Variants in CTIF observed in about 807,000 individuals in gnomAD.
CTIF encodes the protein CBP80/20-dependent translation initiation factor.
In CTIF, 21 loss-of-function variants were observed where a neutral mutation model predicts 66.0. That is an observed-to-expected ratio of 0.32 (90% CI 0.23 to 0.46). The LOEUF is 0.46. Ranked by LOEUF, CTIF falls within the 20% of genes least tolerant of loss-of-function variation. The pLI is 1.00. For missense variants in CTIF, 739 were observed against 812.7 expected (o/e 0.91, Z 1.10); for synonymous variants, 345 against 326.4 (o/e 1.06, Z -0.62).
At chr18:48,746,630 T>C (rs1408948719) in intron 7 of CTIF, among the ~76,000 whole-genome samples, 2 of 151,938 alleles carry the variant, frequency 1.3e-5, no homozygotes. Context: ...GGCAAGATGA[T>C]AGTCACGGCC....
chr18:48,563,594 C>G (rs139351055), intron 1 of CTIF, among the ~76,000 whole-genome samples: 33 of 152,370 alleles, frequency 2.2e-4, no homozygotes, highest in African/African-American at 7.9e-4. Context: ...GCCTCAGTCT[C>G]CTGAATAGCT....
chr18:48,619,826 A>C (rs1384125662), intron 2 of CTIF, 81 bp downstream of exon 2: 2 of 1,327,810 alleles, frequency 1.5e-6, no homozygotes, highest in East Asian at 2.8e-5. Flanking sequence ...GGCAGCATCC[A>C]GTTGCCTGAC....
intron 1 of CTIF, among the ~76,000 whole-genome samples, chr18:48,617,600 T>G (rs2090421873): frequency 6.6e-6 from 1 of 152,086 alleles, no homozygotes; most frequent in African/African-American, 2.4e-5. Context: ...GCTGGTGGTG[T>G]GGGGAGGTAT....
chr18:48,695,843 A>T (rs2091998883), intron 6 of CTIF, among the ~76,000 whole-genome samples: 1 of 152,224 alleles, frequency 6.6e-6, no homozygotes, highest in Admixed American at 6.5e-5. Context: ...GCGCGTATTT[A>T]TCGGGCAGGA....
At chr18:48,585,916 C>A (rs1036770493) in intron 1 of CTIF, among the ~76,000 whole-genome samples, 5 of 152,162 alleles carry the variant, frequency 3.3e-5, no homozygotes, top group African/African-American at 1.2e-4. Flanking sequence ...GCCTCAATTT[C>A]ATAAATCTTT....
At chr18:48,729,944 C>T (rs1203578107) in intron 7 of CTIF, among the ~76,000 whole-genome samples, 1 of 152,224 alleles carries the variant, frequency 6.6e-6, no homozygotes, top group Admixed American at 6.5e-5. Context: ...ATGCCCTTCC[C>T]TGCATTTTGA....
intron 6 of CTIF, among the ~76,000 whole-genome samples, chr18:48,693,852 C>T (rs936955899): frequency 8.5e-5 from 13 of 152,192 alleles, no homozygotes; most frequent in African/African-American, 3.1e-4. Flanking sequence ...GTGACAAAGA[C>T]CTTATGGCCT....
At chr18:48,548,462 C>T (rs1057040194) in intron 1 of CTIF, among the ~76,000 whole-genome samples, 1 of 152,234 alleles carries the variant, frequency 6.6e-6, no homozygotes, top group African/African-American at 2.4e-5. Context: ...CTACAGTACC[C>T]TGGGCACTCT....
chr18:48,709,641 C>G, intron 6 of CTIF, among the ~76,000 whole-genome samples: 1 of 152,322 alleles, frequency 6.6e-6, no homozygotes, highest in East Asian at 1.9e-4. Context: ...CTGAAGTGAC[C>G]TGGAGAGGCA....
intron 3 of CTIF, among the ~76,000 whole-genome samples, chr18:48,652,362 A>G (rs1397203142): frequency 6.6e-6 from 1 of 152,218 alleles, no homozygotes; most frequent in African/African-American, 2.4e-5. Context: ...ACACCTCTAC[A>G]CAAATAAACT....
At chr18:48,725,988 C>CA (rs1355624898) in intron 7 of CTIF, among the ~76,000 whole-genome samples, 2 of 152,118 alleles carry the variant, frequency 1.3e-5, no homozygotes, top group Non-Finnish European at 2.9e-5. Flanking sequence ...CGAGTCCTGT[C>CA]ACTAGATATG....
At chr18:48,690,976 G>A (rs569746568) in intron 6 of CTIF, among the ~76,000 whole-genome samples, 6 of 152,136 alleles carry the variant, frequency 3.9e-5, no homozygotes, top group Non-Finnish European at 8.8e-5. Context: ...CAGCTCCTGG[G>A]GCCCACTGGG....
chr18:48,681,927 A>C (rs2091751197), intron 6 of CTIF, among the ~76,000 whole-genome samples: 1 of 152,166 alleles, frequency 6.6e-6, no homozygotes, highest in African/African-American at 2.4e-5. Flanking sequence ...CTAGGATTAC[A>C]GGCGCGTGCC....
chr18:48,858,723 T>C (rs1279872801), intron 11 of CTIF, among the ~76,000 whole-genome samples: 1 of 152,098 alleles, frequency 6.6e-6, no homozygotes, highest in East Asian at 1.9e-4. Flanking sequence ...TATCTAGGGC[T>C]CTCCTGACGG....
chr18:48,859,245 G>C, intron 11 of CTIF, 99 bp from the exon 12 acceptor site: 1 of 1,034,456 alleles, frequency 9.7e-7, no homozygotes, highest in South Asian at 1.3e-5. Context: ...GTGTCCTTAA[G>C]ACAACCCAGC....
intron 7 of CTIF, among the ~76,000 whole-genome samples, chr18:48,735,684 C>T (rs1201149911): frequency 1.3e-5 from 2 of 152,160 alleles, no homozygotes; most frequent in East Asian, 3.9e-4. Flanking sequence ...CCAGTTCCTA[C>T]CCATTTAGTT....
chr18:48,721,754 C>CA (rs896031667), intron 7 of CTIF, among the ~76,000 whole-genome samples: 3 of 151,862 alleles, frequency 2.0e-5, no homozygotes, highest in African/African-American at 4.8e-5. Context: ...CGTGCATCCC[C>CA]CCCTCTCTGT....
intron 9 of CTIF, among the ~76,000 whole-genome samples, chr18:48,815,763 T>C (rs536278612): frequency 2.6e-5 from 4 of 152,222 alleles, no homozygotes; most frequent in African/African-American, 7.2e-5. Context: ...GCTGAGATTC[T>C]GGTGCCAAGG....
chr18:48,643,041 G>A lies in CTIF; in HGVS notation c.252+6356G>A, dbSNP rs1379230146. Among the ~76,000 whole-genome samples the A allele has an allele frequency of 2.0e-5, 3 of 152,270 alleles. No individual in the cohort carries two copies. The East Asian group carries it at 5.8e-4, about 29-fold the overall frequency. ...AACCAGAATTATTTGGTGACTGGCT[G>A]GAATGACTGTCACATGCCCTATCTC... On this transcript the variant is annotated intron_variant, in intron 3 of 11. Transcript: ENST00000256413.
Sources: gnomAD v4.1 joint callset for allele counts (sites outside exome capture counted in the v4.1 genomes callset) on GRCh38, gnomAD v4.1.1 for gene constraint, MANE v1.5 for transcripts, NCBI Gene and HGNC (gene_info 2026-07-23, HGNC 2026-07-21) for gene names.